The following PTPRD variants were observed in gnomAD, a reference collection of about 807,000 sequenced individuals.
PTPRD encodes protein tyrosine phosphatase receptor type D, also known as receptor-type tyrosine-protein phosphatase delta.
In PTPRD, 34 loss-of-function variants were observed where a neutral mutation model predicts 214.5. The ratio of observed to expected loss-of-function variants is 0.16; its 90% confidence interval spans 0.12 to 0.21. The LOEUF is 0.21. PTPRD is among the 10% of genes least tolerant of loss of function. The pLI is 1.00. For synonymous variants in PTPRD, 1,128 were observed against 845.7 expected (o/e 1.33, Z -5.79); for missense variants, 2,545 against 2,398.7 (o/e 1.06, Z -1.27).
intron 8 of PTPRD, among the ~76,000 whole-genome samples, chr9:9,571,340 A>T (rs73641316): frequency 0.014 from 2,077 of 151,442 alleles, 46 homozygotes; most frequent in African/African-American, 0.047. Context: ...TATATCTCAC[A>T]AGACAAGTAT....
At chr9:9,106,752 A>G (rs1020172613) in intron 10 of PTPRD, among the ~76,000 whole-genome samples, 1 of 152,128 alleles carries the variant, frequency 6.6e-6, no homozygotes, top group Admixed American at 6.6e-5. Flanking sequence ...AAAAAATTTC[A>G]ATACATGATA....
At chr9:10,009,560 T>G (rs897178044) in intron 4 of PTPRD, among the ~76,000 whole-genome samples, 1 of 151,882 alleles carries the variant, frequency 6.6e-6, no homozygotes, top group Non-Finnish European at 1.5e-5. Context: ...AGACCAAGGT[T>G]CTCATTATGT....
At chr9:9,167,160 C>A (rs1375415850) in intron 10 of PTPRD, among the ~76,000 whole-genome samples, 2 of 152,012 alleles carry the variant, frequency 1.3e-5, no homozygotes, top group Non-Finnish European at 1.5e-5. Context: ...CATATCATAA[C>A]CTTTATTGTA....
intron 12 of PTPRD, among the ~76,000 whole-genome samples, chr9:8,720,931 C>G (rs1042719009): frequency 1.3e-5 from 2 of 152,090 alleles, no homozygotes; most frequent in Non-Finnish European, 2.9e-5. Flanking sequence ...CTCTTTTCAG[C>G]TGTTCTGCCT....
At chr9:8,707,589 T>G (rs1317753206) in intron 12 of PTPRD, among the ~76,000 whole-genome samples, 1 of 152,240 alleles carries the variant, frequency 6.6e-6, no homozygotes, top group African/African-American at 2.4e-5. Flanking sequence ...AGCAGGCAGT[T>G]AGGGAGGTGA....
chr9:8,439,732 C>G (rs74439037), intron 34 of PTPRD, among the ~76,000 whole-genome samples: 1 of 151,414 alleles, frequency 6.6e-6, no homozygotes, highest in African/African-American at 2.4e-5. Context: ...TCTCCGCTGC[C>G]CAATATTGAA....
At chr9:10,191,968 G>C (rs990044189) in intron 3 of PTPRD, among the ~76,000 whole-genome samples, 6 of 152,266 alleles carry the variant, frequency 3.9e-5, no homozygotes, top group East Asian at 3.9e-4. Context: ...ATGGTGGTTA[G>C]CAAATCACAG....
chr9:9,513,283 G>A (rs916017407), intron 8 of PTPRD, among the ~76,000 whole-genome samples: 6 of 151,946 alleles, frequency 3.9e-5, no homozygotes, highest in African/African-American at 9.7e-5. Flanking sequence ...GTCTCACACA[G>A]TGTGATAAAA....
chr9:9,654,038 T>G (rs2096447236), intron 7 of PTPRD, among the ~76,000 whole-genome samples: 1 of 152,164 alleles, frequency 6.6e-6, no homozygotes, highest in Non-Finnish European at 1.5e-5. Context: ...AATTGAAACC[T>G]CACAAGACCA....
Position 8,376,988 on chromosome 9 carries a change from G to A in PTPRD, c.4387-262C>T, listed in dbSNP as rs563339587. 1.2e-4 allele frequency among the ~76,000 whole-genome samples: 18 copies of A among 152,172 alleles called. No homozygotes were observed. The South Asian group carries it at 1.4e-3, about 12-fold the overall frequency. The stretch of plus-strand genomic sequence containing the variant: ...AAAATAAGTTGCAGATTGTTGCTGG[G>A]TAAAATACAGAGAGAGGGATTTGAA... On this transcript the variant is annotated intron_variant, in intron 37 of 45. Coordinates refer to ENST00000381196, the MANE Select transcript of PTPRD (RefSeq NM_002839.4).
intron 2 of PTPRD, among the ~76,000 whole-genome samples, chr9:10,422,088 G>A (rs1433975892): frequency 1.3e-5 from 2 of 151,974 alleles, no homozygotes; most frequent in Non-Finnish European, 2.9e-5. Flanking sequence ...AACCAAAACA[G>A]CGTGGTACTG....
intron 3 of PTPRD, among the ~76,000 whole-genome samples, chr9:10,282,789 G>A (rs2095189382): frequency 6.6e-6 from 1 of 151,964 alleles, no homozygotes; most frequent in Non-Finnish European, 1.5e-5. Context: ...CCATAAATAT[G>A]CCAGCTGTAA....
At chr9:10,595,806 T>C (rs1591670805) in intron 2 of PTPRD, among the ~76,000 whole-genome samples, 1 of 151,718 alleles carries the variant, frequency 6.6e-6, no homozygotes, top group Admixed American at 6.6e-5. Context: ...TATTCCATTA[T>C]ATATCAGAGT....
chr9:8,783,197 CA>C (rs1385712714), intron 11 of PTPRD, among the ~76,000 whole-genome samples: 2 of 151,740 alleles, frequency 1.3e-5, no homozygotes, highest in African/African-American at 4.8e-5. Context: ...AAAGTCAGAA[CA>C]AAAAAAGTTC....
At chr9:9,221,258 T>C (rs146728560) in intron 9 of PTPRD, among the ~76,000 whole-genome samples, 26 of 152,266 alleles carry the variant, frequency 1.7e-4, no homozygotes, top group African/African-American at 6.3e-4. Flanking sequence ...CAATCAATGA[T>C]GATGCATGAC....
At chr9:9,145,509 A>C (rs560830040) in intron 10 of PTPRD, among the ~76,000 whole-genome samples, 1 of 152,168 alleles carries the variant, frequency 6.6e-6, no homozygotes, top group African/African-American at 2.4e-5. Context: ...TTTAATTTCT[A>C]AGTTAAATAT....
chr9:9,099,770 C>T (rs1323957618), intron 10 of PTPRD, among the ~76,000 whole-genome samples: 1 of 152,108 alleles, frequency 6.6e-6, no homozygotes, highest in Non-Finnish European at 1.5e-5. Flanking sequence ...ATAGAATTAA[C>T]CAGACACCAA....
At chr9:10,378,601 C>G (rs527608664) in intron 2 of PTPRD, among the ~76,000 whole-genome samples, 11 of 152,006 alleles carry the variant, frequency 7.2e-5, no homozygotes, top group South Asian at 2.1e-4. Flanking sequence ...GTTATTGGAA[C>G]CTATATCAAA....
At chr9:9,654,976 AT>A (rs1344083881) in intron 7 of PTPRD, among the ~76,000 whole-genome samples, 2 of 151,240 alleles carry the variant, frequency 1.3e-5, no homozygotes, top group African/African-American at 2.4e-5. Context: ...TTACACAAAT[AT>A]TTTTTAAACT....
Sources: gnomAD v4.1 joint callset for allele counts (sites outside exome capture counted in the v4.1 genomes callset) on GRCh38, gnomAD v4.1.1 for gene constraint, MANE v1.5 for transcripts, NCBI Gene and HGNC (gene_info 2026-07-23, HGNC 2026-07-21) for gene names.